KSR2: variants seen among roughly 807,000 people sequenced by gnomAD.
The protein encoded by KSR2 is kinase suppressor of ras 2.
In KSR2, 25 loss-of-function variants were observed where a neutral mutation model predicts 107.8. The observed-to-expected ratio is 0.23, with a 90% confidence interval of 0.17 to 0.32. The LOEUF (loss-of-function observed/expected upper bound fraction) is 0.32, where lower values mean the gene tolerates loss of function less well. Among genes scored for constraint, KSR2 ranks in the 10% least tolerant of loss-of-function variants. The probability of loss-of-function intolerance (pLI) is 1.00; values close to 1 mark genes in which losing one functional copy is unlikely to be tolerated. For synonymous variants in KSR2, 480 were observed against 507.0 expected (o/e 0.95, Z 0.71); for missense variants, 887 against 1,268.9 (o/e 0.70, Z 4.57).
Position 117,654,143 on chromosome 12 carries a change from T to C in KSR2, c.1171+13331A>G, listed in dbSNP as rs565501214. Among the ~76,000 whole-genome samples the C allele has an allele frequency of 9.2e-5, 14 of 152,356 alleles. No individual in the cohort carries two copies. In the South Asian group the frequency reaches 2.9e-3, roughly 32 times the overall value. ...TTGGCTATGGGTCATCAATGTGACCTGAACTGCCTATGTGACCCGAACTGC... is the reference window on the plus strand; with the variant it reads ...TTGGCTATGGGTCATCAATGTGACCCGAACTGCCTATGTGACCCGAACTGC... On this transcript the variant is annotated intron_variant, in intron 5 of 19. Transcript: ENST00000339824.
At position 117,455,105 on chromosome 12, in the gene KSR2, C is replaced by T. The variant is rs543486308; in HGVS notation, c.*12094G>A. ...GAGCCAGAGAGGGATGCAGAGCAGG[C>T]CTGAGGTGGCCTGAGTACTGGTCTG... On this transcript the variant is annotated 3_prime_UTR_variant, in exon 20 of 20. Coordinates refer to ENST00000339824, the MANE Select transcript of KSR2 (RefSeq NM_173598.6). 1 of 145,834 alleles carries T rather than the reference C, an allele frequency of 6.9e-6. No individual in the cohort carries two copies. Among genetic ancestry groups the T allele is most frequent in the South Asian group, 2.1e-4 (1 of 4,700 alleles). 9.0% of individuals were successfully genotyped at this position (145,834 alleles called of 1,614,324 possible).
chr12:117,632,902 G>GC (rs1882877403), intron 5 of KSR2, among the ~76,000 whole-genome samples: 2 of 152,182 alleles, frequency 1.3e-5, no homozygotes, highest in African/African-American at 4.8e-5. Flanking sequence ...GTGTTCCATG[G>GC]CGTACATGTA....
intron 1 of KSR2, among the ~76,000 whole-genome samples, chr12:117,904,054 T>G (rs1353307467): frequency 1.3e-5 from 2 of 152,062 alleles, no homozygotes. Flanking sequence ...GATTCCGTGA[T>G]ATCTTGTCTC....
At chr12:117,765,858 C>T (rs575832139) in intron 3 of KSR2, among the ~76,000 whole-genome samples, 19 of 152,164 alleles carry the variant, frequency 1.2e-4, no homozygotes, top group Non-Finnish European at 2.5e-4. Flanking sequence ...AACCATCAGA[C>T]AGAGCCTGAG....
At chr12:117,859,461 AT>A (rs35142684) in intron 2 of KSR2, among the ~76,000 whole-genome samples, 41,433 of 130,394 alleles carry the variant, frequency 0.32, 6,253 homozygotes, top group African/African-American at 0.45. Context: ...TTTTTTATTT[AT>A]TTTTTTTTTT....
At chr12:117,535,604 T>TTG (rs5801239) in intron 10 of KSR2, among the ~76,000 whole-genome samples, 11,779 of 142,116 alleles carry the variant, frequency 0.083, 500 homozygotes, top group East Asian at 0.14. Context: ...TTTCCTGGAG[T>TTG]TGTGTGTGTG....
intron 18 of KSR2, 127 bp downstream of exon 18, chr12:117,471,064 G>T: frequency 8.9e-7 from 1 of 1,128,954 alleles, no homozygotes; most frequent in Non-Finnish European, 1.2e-6. Context: ...GACAAGGTTG[G>T]AATGCATATT....
chr12:117,644,401 G>A (rs1883523359), intron 5 of KSR2, among the ~76,000 whole-genome samples: 1 of 152,206 alleles, frequency 6.6e-6, no homozygotes, highest in Non-Finnish European at 1.5e-5. Context: ...AGCTCCACCT[G>A]TCTAGGACAG....
At position 117,455,324 on chromosome 12, in the gene KSR2, C is replaced by G. The variant is rs1180699121; in HGVS notation, c.*11875G>C. 2 of 152,306 alleles carry G rather than the reference C, an allele frequency of 1.3e-5. No individual in the cohort carries two copies. Among genetic ancestry groups the G allele is most frequent in the Non-Finnish European group, 2.9e-5 (2 of 68,114 alleles). The allele number at this position is 152,306 out of a possible 1,614,324, so 9.4% of individuals were successfully genotyped here. On this transcript the variant is annotated 3_prime_UTR_variant, in exon 20 of 20. Transcript: ENST00000339824. The stretch of plus-strand genomic sequence containing the variant: ...AAAGCAGGGAAAGGCAGGCAAGTGC[C>G]AGGGGGCAGGATTTTAGCCACTTGC...
chr12:117,555,551 A>G (rs984967945), intron 8 of KSR2, among the ~76,000 whole-genome samples: 1 of 152,254 alleles, frequency 6.6e-6, no homozygotes, highest in African/African-American at 2.4e-5. Context: ...TAAAAGTACC[A>G]CAATTGTTTC....
At chr12:117,577,125 T>A (rs1379824955) in intron 7 of KSR2, among the ~76,000 whole-genome samples, 1 of 152,066 alleles carries the variant, frequency 6.6e-6, no homozygotes, top group Non-Finnish European at 1.5e-5. Flanking sequence ...ACTTCTATCT[T>A]GGGGCAGGGA....
intron 4 of KSR2, among the ~76,000 whole-genome samples, chr12:117,736,977 G>A (rs200412835): frequency 2.6e-5 from 4 of 152,230 alleles, no homozygotes; most frequent in African/African-American, 9.6e-5. Context: ...ATTAACCCTC[G>A]AAGAAACACA....
chr12:117,540,801 C>T (rs77927658), intron 9 of KSR2, among the ~76,000 whole-genome samples: 2,418 of 152,288 alleles, frequency 0.016, 72 homozygotes, highest in African/African-American at 0.055. Context: ...TAGAAGGCAA[C>T]CTTGCTGGCA....
chr12:117,524,999 A>G lies in KSR2; in HGVS notation c.2072T>C (p.Ile691Thr), dbSNP rs1281382434. The change falls in exon 14 of 20, where the codon ATC becomes ACC. Residue 691 changes from isoleucine (I) to threonine (T), a missense_variant. By Grantham distance (89) the Ile-to-Thr change is moderately conservative. This residue lies in a region of KSR2 where 308 missense variants were observed against 506.2 expected (regional missense o/e 0.61). Coordinates refer to ENST00000339824, the MANE Select transcript of KSR2 (RefSeq NM_173598.6). ...GTCCCTCTCAATGTCAATCAGCCGG[A>G]TGGCCACCTCGCCATGCCAGCGGCC... ...YHGRWHGEVA[I>T]RLIDIERDNE... The G allele has an allele frequency of 1.2e-6, 2 of 1,613,912 alleles. No individual in the cohort carries two copies. Among genetic ancestry groups the G allele is most frequent in the Admixed American group, 3.3e-5 (2 of 60,004 alleles).
chr12:117,954,149 T>G (rs961824253), intron 1 of KSR2, among the ~76,000 whole-genome samples: 7 of 152,076 alleles, frequency 4.6e-5, no homozygotes, highest in African/African-American at 1.7e-4. Flanking sequence ...AAAAATTGAT[T>G]TAAGAAAATC....
At chr12:117,628,695 G>A (rs1425083811) in intron 5 of KSR2, among the ~76,000 whole-genome samples, 1 of 152,244 alleles carries the variant, frequency 6.6e-6, no homozygotes, top group African/African-American at 2.4e-5. Flanking sequence ...TCTGTTCTCA[G>A]AGCTCAAACG....
intron 1 of KSR2, among the ~76,000 whole-genome samples, chr12:117,880,009 G>A (rs1181187334): frequency 6.6e-6 from 1 of 152,106 alleles, no homozygotes; most frequent in Admixed American, 6.5e-5. Context: ...AGCCAGGCAT[G>A]GTGATATGTG....
intron 5 of KSR2, among the ~76,000 whole-genome samples, chr12:117,655,518 G>T (rs1336460308): frequency 1.3e-5 from 2 of 152,200 alleles, no homozygotes; most frequent in East Asian, 3.8e-4. Context: ...CCCATAGCCA[G>T]AATTCACAGG....
At chr12:117,467,911 A>AGGGTTTCCG (rs5801230) in intron 19 of KSR2, 2 of 366,508 alleles carry the variant, frequency 5.5e-6, no homozygotes, top group Admixed American at 3.9e-5. Flanking sequence ...GCTAGACCAC[A>AGGGTTTCCG]GTCCTGTGTT....
Sources: gnomAD v4.1 joint callset for allele counts (sites outside exome capture counted in the v4.1 genomes callset) on GRCh38, gnomAD v4.1.1 for gene constraint, gnomAD v4.1.1 regional missense constraint, MANE v1.5 for transcripts, NCBI Gene and HGNC (gene_info 2026-07-23, HGNC 2026-07-21) for gene names.